The following USP14 variants were observed in gnomAD, a reference collection of about 807,000 sequenced individuals.
USP14 encodes ubiquitin specific peptidase 14.
Under a neutral mutation model 76.5 loss-of-function variants are expected in USP14, and 38 were observed. That is an observed-to-expected ratio of 0.50 (90% confidence interval 0.38 to 0.65). USP14 has a LOEUF of 0.65. Ranked by LOEUF, USP14 falls within the 30% of genes least tolerant of loss-of-function variation. The pLI is 0.00. For missense variants in USP14, 467 were observed against 586.5 expected, an observed-to-expected ratio of 0.80 and a Z score of 2.10; for synonymous variants, 192 against 191.7, an observed-to-expected ratio of 1.00 and a Z score of -0.01.
rs575380644 is a variant in USP14, at chr18:168,343, G to A, written c.195+1524G>A. ...TTGGGTTTTCTGTGTACATAAACGT[G>A]TTATCTGCAAATAATGACAATTTTA... On this transcript the variant is annotated intron_variant, in intron 3 of 15. Coordinates refer to ENST00000261601, the MANE Select transcript of USP14 (RefSeq NM_005151.4). Among the ~76,000 whole-genome samples, 3 of 152,296 alleles carry A rather than the reference G, an allele frequency of 2.0e-5. No homozygotes were observed. The South Asian group carries it at 6.2e-4, about 32-fold the overall frequency.
chr18:214,340 C>T lies in USP14; in HGVS notation c.*3056C>T. On this transcript the variant is annotated 3_prime_UTR_variant, in exon 16 of 16. Coordinates refer to ENST00000261601, the MANE Select transcript of USP14 (RefSeq NM_005151.4). ...GAAACTAATTTGGTATAAGAAACGA[C>T]ATATCCCTAAATAGTGCTTATTTAA... 1 of 272,906 alleles carries T rather than the reference C, an allele frequency of 3.7e-6. No individual in the cohort carries two copies. The highest frequency in any genetic ancestry group is 6.9e-6 in the Non-Finnish European group (1 of 145,172). 16.9% of individuals were successfully genotyped at this position (272,906 alleles called of 1,614,324 possible).
intron 10 of USP14, 35 bp downstream of exon 10, chr18:199,351 G>T: frequency 6.8e-7 from 1 of 1,478,506 alleles, no homozygotes; most frequent in Non-Finnish European, 9.4e-7. Flanking sequence ...TGTTGTTTGT[G>T]AATTCCATGT....
rs902931518 is a variant in USP14 at position 214,011 on chromosome 18, TGATGATTGATA to T, written c.*2729_*2739del. On this transcript the variant is annotated 3_prime_UTR_variant, in exon 16 of 16. Coordinates refer to ENST00000261601, the MANE Select transcript of USP14 (RefSeq NM_005151.4). The stretch of plus-strand genomic sequence containing the variant: ...GATAGATAGATAGATGATGATTGAT[TGATGATTGATA>T]GTAAATTATTTCAGGCTTTGCAGGC... 4 of 133,922 alleles carry T rather than the reference TGATGATTGATA, an allele frequency of 3.0e-5. No individual in the cohort carries two copies. The highest frequency in any genetic ancestry group is 1.1e-4 in the African/African-American group (4 of 37,960). The allele number at this position is 133,922 out of a possible 1,614,324, so 8.3% of individuals were successfully genotyped here.
intron 8 of USP14, among the ~76,000 whole-genome samples, 159 bp downstream of exon 8, chr18:197,855 C>T (rs1204473362): frequency 4.0e-5 from 6 of 151,712 alleles, no homozygotes. Context: ...TGGAAGCTTG[C>T]ATACGACATT....
intron 5 of USP14, among the ~76,000 whole-genome samples, chr18:180,704 T>C (rs1909763592): frequency 6.6e-6 from 1 of 152,262 alleles, no homozygotes; most frequent in South Asian, 2.1e-4. Context: ...GGCTAACTTC[T>C]TTCATTTGGC....
intron 5 of USP14, among the ~76,000 whole-genome samples, chr18:186,037 G>T (rs1309441927): frequency 2.0e-5 from 3 of 151,556 alleles, no homozygotes; most frequent in Non-Finnish European, 4.4e-5. Flanking sequence ...ATTTCAACTT[G>T]TTCTTGACAA....
At chr18:177,633 G>GT (rs11438659) in intron 3 of USP14, among the ~76,000 whole-genome samples, 75,578 of 139,102 alleles carry the variant, frequency 0.54, 21,386 homozygotes, top group South Asian at 0.68. Context: ...TTCCCTCCCT[G>GT]TTTTTTTTTT....
chr18:179,770 T>TC (rs1909734221), intron 4 of USP14, among the ~76,000 whole-genome samples: 1 of 150,974 alleles, frequency 6.6e-6, no homozygotes. Flanking sequence ...AAAAAAATTT[T>TC]TTTTTTTTTT....
intron 5 of USP14, among the ~76,000 whole-genome samples, chr18:181,392 T>C (rs1909786003): frequency 6.6e-6 from 1 of 152,232 alleles, no homozygotes; most frequent in African/African-American, 2.4e-5. Context: ...TGGTATCTCA[T>C]TGTGGTTGTC....
chr18:170,030 G>A (rs939910242), intron 3 of USP14, among the ~76,000 whole-genome samples: 4 of 152,140 alleles, frequency 2.6e-5, no homozygotes, highest in South Asian at 2.1e-4. Flanking sequence ...GGCTGAGCGC[G>A]GTGGCTCACA....
chr18:195,451 A>T (rs954795459), intron 6 of USP14, among the ~76,000 whole-genome samples: 2 of 152,196 alleles, frequency 1.3e-5, no homozygotes, highest in African/African-American at 2.4e-5. Flanking sequence ...AATAAAACAT[A>T]CAAGTTGAGA....
intron 3 of USP14, among the ~76,000 whole-genome samples, chr18:176,804 T>C (rs1162403878): frequency 3.3e-5 from 5 of 152,100 alleles, no homozygotes; most frequent in African/African-American, 9.6e-5. Context: ...TGTTGTGGTA[T>C]GGTATGAAGT....
intron 2 of USP14, among the ~76,000 whole-genome samples, chr18:164,301 T>TA (rs1303772519): frequency 1.3e-5 from 2 of 152,158 alleles, no homozygotes; most frequent in African/African-American, 4.8e-5. Flanking sequence ...TTTGTTTTCT[T>TA]AAAAAAACTA....
At chr18:169,932 G>A (rs532237732) in intron 3 of USP14, among the ~76,000 whole-genome samples, 2 of 152,144 alleles carry the variant, frequency 1.3e-5, no homozygotes, top group East Asian at 1.9e-4. Flanking sequence ...CAGCCTCACC[G>A]ACCCGCAGTT....
intron 12 of USP14, 39 bp from the exon 13 acceptor site, chr18:204,524 TA>T: frequency 6.9e-7 from 1 of 1,448,380 alleles, no homozygotes. Flanking sequence ...AATATCTTTA[TA>T]AATGTGTTTA....
Position 202,667 on chromosome 18 carries a change from G to A in USP14, c.877-213G>A, listed in dbSNP as rs111311471. On this transcript the variant is annotated intron_variant, in intron 10 of 15. Transcript: ENST00000261601. ...TACACTCGGAGGAATCCACAACAAC[G>A]TAAATTATTTGATGCCTTGTAAGAA... Among the ~76,000 whole-genome samples the A allele has an allele frequency of 5.0e-3, 761 of 152,154 alleles. 4 individuals are homozygous for A. Among genetic ancestry groups the A allele is most frequent in the Admixed American group, 9.8e-3 (150 of 15,282 alleles).
In USP14 at chr18:212,290, G is replaced by C. The variant is rs1216414276; in HGVS notation, c.*1006G>C. ...GTCAGATTCTTTCCTTGGCTCAGTT[G>C]TGTTTGTATTTCCTTTCTTAATTCC... On this transcript the variant is annotated 3_prime_UTR_variant, in exon 16 of 16. Transcript: ENST00000261601. The C allele has an allele frequency of 2.0e-5, 3 of 152,224 alleles. No individual in the cohort carries two copies. The highest frequency in any genetic ancestry group is 7.2e-5 in the African/African-American group (3 of 41,454). The allele number at this position is 152,224 out of a possible 1,614,324, so 9.4% of individuals were successfully genotyped here. A position where few individuals can be genotyped will look rare whatever the true frequency, so the allele number is the denominator to read the frequency against.
intron 5 of USP14, among the ~76,000 whole-genome samples, chr18:185,281 C>T (rs1167375612): frequency 1.3e-5 from 2 of 152,120 alleles, no homozygotes; most frequent in Non-Finnish European, 1.5e-5. Context: ...GTCTCAGCCT[C>T]CCAAGTAGCT....
At chr18:206,309 G>A (rs193033316) in intron 13 of USP14, among the ~76,000 whole-genome samples, 2 of 152,320 alleles carry the variant, frequency 1.3e-5, no homozygotes, top group Middle Eastern at 3.4e-3. Flanking sequence ...GGCTGATGAA[G>A]TTGAGCATGT....
Sources: gnomAD v4.1 joint callset for allele counts (sites outside exome capture counted in the v4.1 genomes callset) on GRCh38, gnomAD v4.1.1 for gene constraint, MANE v1.5 for transcripts, NCBI Gene and HGNC (gene_info 2026-07-23, HGNC 2026-07-21) for gene names.